Variants in CFAP299 observed in about 807,000 individuals in gnomAD.
CFAP299 encodes the protein cilia and flagella associated protein 299, also known as cilia- and flagella-associated protein 299.
In CFAP299, 21 loss-of-function variants were observed where a neutral mutation model predicts 27.0. That is an observed-to-expected ratio of 0.78 (90% CI 0.55 to 1.12). The LOEUF is 1.12. Ranked by LOEUF, CFAP299 falls within the 50% of genes most tolerant of loss-of-function variation. The pLI is 0.00. For missense variants in CFAP299, 310 were observed against 276.6 expected (o/e 1.12, Z -0.86); for synonymous variants, 104 against 98.1 (o/e 1.06, Z -0.36).
At chr4:80,612,093 A>G (rs1423297189) in intron 3 of CFAP299, among the ~76,000 whole-genome samples, 1 of 151,338 alleles carries the variant, frequency 6.6e-6, no homozygotes, top group Admixed American at 6.6e-5. Flanking sequence ...TTTTTTGTAG[A>G]TTAGTGATAC....
chr4:80,760,959 G>C (rs1359381910), intron 3 of CFAP299, among the ~76,000 whole-genome samples: 1 of 152,114 alleles, frequency 6.6e-6, no homozygotes, highest in African/African-American at 2.4e-5. Context: ...CAAGTGAAAA[G>C]TTTCAGTATA....
chr4:80,344,718 A>T (rs1722638659), intron 1 of CFAP299, among the ~76,000 whole-genome samples: 1 of 152,216 alleles, frequency 6.6e-6, no homozygotes, highest in Admixed American at 6.5e-5. Flanking sequence ...AATATCCCTG[A>T]TGAATATCAA....
intron 2 of CFAP299, among the ~76,000 whole-genome samples, chr4:80,402,591 G>T (rs1259294100): frequency 6.6e-6 from 1 of 152,024 alleles, no homozygotes; most frequent in East Asian, 1.9e-4. Context: ...CCCAGTCTTG[G>T]GTATGTCTTT....
At chr4:80,434,274 T>C (rs745874262) in intron 2 of CFAP299, among the ~76,000 whole-genome samples, 1 of 152,160 alleles carries the variant, frequency 6.6e-6, no homozygotes, top group Non-Finnish European at 1.5e-5. Context: ...AAAATACTTT[T>C]TGCTGTCTGA....
In CFAP299 at chr4:80,858,277, G is replaced by A. The variant is rs1226532699; in HGVS notation, c.334-11716G>A. 3.3e-5 allele frequency among the ~76,000 whole-genome samples: 5 copies of A among 151,744 alleles called. No individual in the cohort carries two copies. The East Asian group carries it at 7.7e-4, about 24-fold the overall frequency. On this transcript the variant is annotated intron_variant, in intron 3 of 5. Transcript: ENST00000358105. ...TATCCCCTTTATCATTTTTTATTGT[G>A]TCTATTTGATTCTTCTCTCTTTTTT...
chr4:80,518,833 C>A (rs1429229431), intron 2 of CFAP299, among the ~76,000 whole-genome samples: 2 of 152,038 alleles, frequency 1.3e-5, no homozygotes, highest in Non-Finnish European at 2.9e-5. Context: ...GGCATTTGAG[C>A]TAGCACTTGA....
At chr4:80,638,883 C>T (rs542837579) in intron 3 of CFAP299, among the ~76,000 whole-genome samples, 2 of 152,234 alleles carry the variant, frequency 1.3e-5, no homozygotes, top group East Asian at 1.9e-4. Flanking sequence ...TTTATTTTCT[C>T]ACATTTCCAG....
At chr4:80,498,333 T>C (rs1370576606) in intron 2 of CFAP299, among the ~76,000 whole-genome samples, 1 of 152,082 alleles carries the variant, frequency 6.6e-6, no homozygotes, top group African/African-American at 2.4e-5. Context: ...TAAGAAAATA[T>C]CTGTAAACTA....
At chr4:80,455,600 A>T (rs1039436824) in intron 2 of CFAP299, among the ~76,000 whole-genome samples, 4 of 152,254 alleles carry the variant, frequency 2.6e-5, no homozygotes, top group Non-Finnish European at 4.4e-5. Flanking sequence ...ATTCAAAAGT[A>T]AGAACAGTGA....
chr4:80,886,379 G>T (rs1733973353), intron 4 of CFAP299, among the ~76,000 whole-genome samples: 1 of 152,176 alleles, frequency 6.6e-6, no homozygotes, highest in Non-Finnish European at 1.5e-5. Flanking sequence ...AGAGGTGCTT[G>T]CATCACCACA....
chr4:80,853,651 G>A (rs182506223), intron 3 of CFAP299, among the ~76,000 whole-genome samples: 23 of 152,268 alleles, frequency 1.5e-4, no homozygotes, highest in Middle Eastern at 3.4e-3. Context: ...AAAATAGTGG[G>A]AATCAGGTTG....
intron 2 of CFAP299, among the ~76,000 whole-genome samples, chr4:80,401,673 A>T (rs1006633683): frequency 7.9e-5 from 12 of 152,208 alleles, no homozygotes; most frequent in African/African-American, 2.9e-4. Flanking sequence ...TGGAAGGGAA[A>T]TGTGGGGTCA....
intron 3 of CFAP299, among the ~76,000 whole-genome samples, chr4:80,712,986 A>G (rs1244926784): frequency 6.6e-6 from 1 of 152,058 alleles, no homozygotes; most frequent in Non-Finnish European, 1.5e-5. Context: ...AGCATTTAGT[A>G]TGTCAAGCAG....
intron 2 of CFAP299, chr4:80,387,159 T>A: frequency 7.4e-7 from 1 of 1,354,656 alleles, no homozygotes; most frequent in South Asian, 1.2e-5. Context: ...GCACTGCCCT[T>A]CTTGGGGCTG....
chr4:80,531,511 T>C (rs1733462707), intron 2 of CFAP299, among the ~76,000 whole-genome samples: 1 of 152,216 alleles, frequency 6.6e-6, no homozygotes, highest in Non-Finnish European at 1.5e-5. Context: ...TTTGCAATTA[T>C]ACTTCTAAAT....
chr4:80,416,239 C>T (rs1202500951), intron 2 of CFAP299, among the ~76,000 whole-genome samples: 1 of 152,076 alleles, frequency 6.6e-6, no homozygotes, highest in Non-Finnish European at 1.5e-5. Context: ...TTGTGATGGC[C>T]AACTTGACGT....
At position 80,703,430 on chromosome 4, in the gene CFAP299, A is replaced by T. The variant is rs557028854; in HGVS notation, c.333+120247A>T. Among the ~76,000 whole-genome samples the T allele has an allele frequency of 1.0e-3, 156 of 151,822 alleles. 1 individual carries two copies. The highest frequency in any genetic ancestry group is 3.6e-3 in the African/African-American group (148 of 41,520). On this transcript the variant is annotated intron_variant, in intron 3 of 5. Coordinates refer to ENST00000358105, the MANE Select transcript of CFAP299 (RefSeq NM_152770.3). The stretch of plus-strand genomic sequence containing the variant: ...CTTTCTTGTGACCAAGACTGAAAAT[A>T]TTAAGAAATAGGGCTGCTTTAAAGG...
chr4:80,488,125 C>G (rs1000156920), intron 2 of CFAP299, among the ~76,000 whole-genome samples: 3 of 152,088 alleles, frequency 2.0e-5, no homozygotes, highest in African/African-American at 2.4e-5. Context: ...TATTGGTATA[C>G]AAATTAATCT....
intron 3 of CFAP299, among the ~76,000 whole-genome samples, chr4:80,620,279 G>C (rs1295768949): frequency 1.3e-5 from 2 of 152,044 alleles, no homozygotes; most frequent in African/African-American, 4.8e-5. Flanking sequence ...TTGCTTGTTG[G>C]TATATTAAGA....
Sources: allele counts gnomAD v4.1 joint callset (sites outside exome capture counted in the v4.1 genomes callset), GRCh38; gene constraint gnomAD v4.1.1; transcripts MANE v1.5; gene names NCBI Gene and HGNC (gene_info 2026-07-23, HGNC 2026-07-21).